Variants in SULF2 observed in about 807,000 individuals in gnomAD.
The protein encoded by SULF2 is sulfatase 2, also known as extracellular sulfatase Sulf-2.
In SULF2, 52 loss-of-function variants were observed where a neutral mutation model predicts 107.7. That is an observed-to-expected ratio of 0.48 (90% CI 0.39 to 0.61). The LOEUF is 0.61. SULF2 is among the 20% of genes least tolerant of loss of function. The probability of loss-of-function intolerance (pLI) is 0.00; values close to 1 mark genes in which losing one functional copy is unlikely to be tolerated. For synonymous variants in SULF2, 460 were observed against 464.3 expected, an observed-to-expected ratio of 0.99 and a Z score of 0.12; for missense variants, 993 against 1,177.3, an observed-to-expected ratio of 0.84 and a Z score of 2.29.
At chr20:47,775,597 C>G (rs1196132695) in intron 1 of SULF2, among the ~76,000 whole-genome samples, 1 of 152,214 alleles carries the variant, frequency 6.6e-6, no homozygotes, top group Non-Finnish European at 1.5e-5. Context: ...GAGGTTAAGA[C>G]TTTCAGCCTC....
At chr20:47,760,373 A>G (rs997908944) in intron 1 of SULF2, among the ~76,000 whole-genome samples, 12 of 151,938 alleles carry the variant, frequency 7.9e-5, no homozygotes, top group African/African-American at 2.7e-4. Context: ...CTCCCCAGGC[A>G]GTAGCCTTCG....
intron 1 of SULF2, among the ~76,000 whole-genome samples, chr20:47,758,790 G>A (rs559831028): frequency 6.6e-6 from 1 of 152,372 alleles, no homozygotes; most frequent in East Asian, 1.9e-4. Flanking sequence ...GAGAGCCACA[G>A]CCTGCAGATG....
chr20:47,716,943 G>C (rs765332271), intron 3 of SULF2, among the ~76,000 whole-genome samples: 2 of 152,172 alleles, frequency 1.3e-5, no homozygotes, highest in African/African-American at 2.4e-5. Flanking sequence ...CCAGGAGTTC[G>C]AGGCTGCAAT....
intron 1 of SULF2, among the ~76,000 whole-genome samples, chr20:47,783,920 G>A (rs936750956): frequency 6.6e-6 from 1 of 152,148 alleles, no homozygotes; most frequent in South Asian, 2.1e-4. Flanking sequence ...TCTCTTACAG[G>A]GAAGGGGCCC....
intron 6 of SULF2, among the ~76,000 whole-genome samples, chr20:47,683,691 G>A (rs950497333): frequency 6.6e-6 from 1 of 152,258 alleles, no homozygotes; most frequent in Non-Finnish European, 1.5e-5. Context: ...CTGAGCATGT[G>A]AAATGAGGCT....
At position 47,663,055 on chromosome 20, in the gene SULF2, T is replaced by C; in HGVS notation, c.2370+15A>G. 6.2e-7 allele frequency: 1 copy of C among 1,613,994 alleles called. No individual in the cohort carries two copies. Among genetic ancestry groups the C allele is most frequent in the South Asian group, 1.1e-5 (1 of 91,082 alleles). ...TACCCCACACCCCCATCCCTCTAGC[T>C]CGGGTTGCCTGTACCTGGTAGGGGT... On this transcript the variant is annotated intron_variant, in intron 17 of 20. Transcript: ENST00000688720.
intron 14 of SULF2, 127 bp from the exon 15 acceptor site, chr20:47,664,316 T>A (rs756761442): frequency 4.3e-6 from 4 of 927,440 alleles, no homozygotes; most frequent in Non-Finnish European, 6.7e-6. Flanking sequence ...CCTTCTGGGG[T>A]GGTGGTGGGT....
intron 3 of SULF2, among the ~76,000 whole-genome samples, chr20:47,707,628 AC>A (rs1242213038): frequency 1.3e-5 from 2 of 150,958 alleles, no homozygotes; most frequent in African/African-American, 2.4e-5. Context: ...AGATATGCGG[AC>A]CCCCCCAGCA....
chr20:47,758,246 G>A (rs2090341446), intron 1 of SULF2, among the ~76,000 whole-genome samples: 1 of 143,694 alleles, frequency 7.0e-6, no homozygotes, highest in Non-Finnish European at 1.5e-5. Flanking sequence ...TGGGCTCACT[G>A]CGACCTCTGC....
rs58378160 is a variant in SULF2 at position 47,747,018 on chromosome 20, T to TAC, written c.176-10078_176-10077dup. Among the ~76,000 whole-genome samples, 39 of 75,124 alleles carry TAC rather than the reference T, an allele frequency of 5.2e-4. No individual in the cohort carries two copies. The Middle Eastern group carries it at 0.021, about 40-fold the overall frequency. The allele number at this position is 75,124 out of a possible 152,430, so 49.3% of individuals were successfully genotyped here. A position where few individuals can be genotyped will look rare whatever the true frequency, so the allele number is the denominator to read the frequency against. ...AAATATATATATATATATATATATATACACACACACACACATAAAAAGGGA... is the reference window on the plus strand; with the variant it reads ...AAATATATATATATATATATATATATACACACACACACACACATAAAAAGGGA... On this transcript the variant is annotated intron_variant, in intron 2 of 20. Coordinates refer to ENST00000688720, the MANE Select transcript of SULF2 (RefSeq NM_001387048.1).
intron 7 of SULF2, among the ~76,000 whole-genome samples, chr20:47,679,840 C>G (rs2087766256): frequency 6.6e-6 from 1 of 152,162 alleles, no homozygotes; most frequent in African/African-American, 2.4e-5. Context: ...AACACAAGGC[C>G]CCTCCTGAGG....
intron 1 of SULF2, among the ~76,000 whole-genome samples, chr20:47,778,695 G>GAGAGC (rs1408764997): frequency 1.3e-5 from 2 of 152,210 alleles, no homozygotes; most frequent in Non-Finnish European, 2.9e-5. Context: ...AGCTCTGTCT[G>GAGAGC]TTAATCACTG....
intron 11 of SULF2, among the ~76,000 whole-genome samples, chr20:47,670,684 A>AGCGGGGGGGGGGAACGGGGTGG: frequency 1.9e-3 from 1 of 534 alleles, no homozygotes; most frequent in African/African-American, 8.9e-3. Flanking sequence ...GCAGGGTGGG[A>AGCGGGGGGGGGGAACGGGGTGG]GAGCGGGGTG....
Position 47,661,481 on chromosome 20 carries a change from T to C in SULF2, c.2494+292A>G, listed in dbSNP as rs1177891368. 4.7e-4 allele frequency: 115 copies of C among 242,816 alleles called. 2 individuals carry two copies. The highest frequency in any genetic ancestry group is 3.4e-5 in the Non-Finnish European group (4 of 118,714). The allele number at this position is 242,816 out of a possible 1,614,324, so 15.0% of individuals were successfully genotyped here. The stretch of plus-strand genomic sequence containing the variant: ...AGTCAACATGGTTTCAGGTGTAAGT[T>C]CTCAGGAAGTGTTTGTTGAATGCAT... On this transcript the variant is annotated intron_variant, in intron 18 of 20. Transcript: ENST00000688720.
At chr20:47,732,541 T>C (rs1185868128) in intron 3 of SULF2, among the ~76,000 whole-genome samples, 6 of 152,076 alleles carry the variant, frequency 3.9e-5, no homozygotes, top group South Asian at 2.1e-4. Flanking sequence ...TATAAAACCT[T>C]TGTAAAAACT....
At chr20:47,751,102 T>G (rs1200099165) in intron 2 of SULF2, among the ~76,000 whole-genome samples, 2 of 152,206 alleles carry the variant, frequency 1.3e-5, no homozygotes, top group Non-Finnish European at 2.9e-5. Flanking sequence ...AAGCTCTGTT[T>G]AGTTTGTTTG....
chr20:47,753,098 C>CAAAAAAAAAAAAAAAAAA (rs10578438), intron 2 of SULF2, among the ~76,000 whole-genome samples: 4 of 90,686 alleles, frequency 4.4e-5, no homozygotes, highest in African/African-American at 9.2e-5. Context: ...GAGACTCTCT[C>CAAAAAAAAAAAAAAAAAA]AAAAAAAAAA....
chr20:47,691,609 G>A (rs1023269777), intron 4 of SULF2, among the ~76,000 whole-genome samples: 1 of 152,214 alleles, frequency 6.6e-6, no homozygotes, highest in African/African-American at 2.4e-5. Flanking sequence ...CGGGGTCTGA[G>A]GCAGGAATGT....
chr20:47,707,025 T>C (rs1402015598), intron 3 of SULF2: 2 of 152,142 alleles, frequency 1.3e-5, no homozygotes, highest in African/African-American at 4.8e-5. Flanking sequence ...GTCTTGCTCT[T>C]GTCACCCAGT....
Sources: allele counts gnomAD v4.1 joint callset (sites outside exome capture counted in the v4.1 genomes callset), GRCh38; gene constraint gnomAD v4.1.1; transcripts MANE v1.5; gene names NCBI Gene and HGNC (gene_info 2026-07-23, HGNC 2026-07-21).